The following CTNND2 variants were observed in gnomAD, a reference collection of about 807,000 sequenced individuals.
CTNND2 encodes catenin delta 2.
Under a neutral mutation model 144.4 loss-of-function variants are expected in CTNND2, and 22 were observed. The ratio of observed to expected loss-of-function variants is 0.15; its 90% CI spans 0.11 to 0.22. CTNND2 has a LOEUF of 0.22. CTNND2 is among the 10% of genes least tolerant of loss of function. The pLI, the probability that CTNND2 is intolerant of heterozygous loss-of-function variation, is 1.00. For missense variants in CTNND2, 1,353 were observed against 1,618.8 expected (o/e 0.84, Z 2.82); for synonymous variants, 751 against 695.6 (o/e 1.08, Z -1.25).
In CTNND2 at chr5:11,199,615, T is replaced by C; in HGVS notation, c.1808A>G (p.His603Arg). 6.2e-7 allele frequency: 1 copy of C among 1,614,182 alleles called. No homozygotes were observed. Among genetic ancestry groups the C allele is most frequent in the Non-Finnish European group, 8.5e-7 (1 of 1,180,026 alleles). The change falls in exon 11 of 22, where the codon CAT (histidine) becomes CGT (arginine). Residue 603 changes from histidine to arginine, a missense_variant. Coordinates refer to ENST00000304623, the MANE Select transcript of CTNND2 (RefSeq NM_001332.4). ...ACTACGGTGGACTTCGGTCATCCGA[T>C]GATCCAACAGGTCCACCAGGAGCTG... ...GIQLLVDLLDHRMTEVHRSAC... is the reference protein window; with the variant it reads ...GIQLLVDLLDRRMTEVHRSAC...
chr5:11,252,692 T>C (rs1743784795), intron 9 of CTNND2, among the ~76,000 whole-genome samples: 1 of 152,330 alleles, frequency 6.6e-6, no homozygotes, highest in African/African-American at 2.4e-5. Context: ...GATCAGGTGA[T>C]GGAGGCAGAA....
intron 2 of CTNND2, among the ~76,000 whole-genome samples, chr5:11,725,497 C>T (rs1426260743): frequency 6.6e-6 from 1 of 152,066 alleles, no homozygotes; most frequent in East Asian, 1.9e-4. Flanking sequence ...CTAACTTGAC[C>T]TTAGCAAAAC....
chr5:11,353,108 A>T (rs1272231864), intron 8 of CTNND2, among the ~76,000 whole-genome samples: 2 of 147,394 alleles, frequency 1.4e-5, no homozygotes, highest in African/African-American at 2.5e-5. Context: ...GTTTTCAGCC[A>T]TCAATGGGAA....
At chr5:11,718,603 A>C (rs912969538) in intron 2 of CTNND2, among the ~76,000 whole-genome samples, 2 of 151,950 alleles carry the variant, frequency 1.3e-5, no homozygotes, top group African/African-American at 4.8e-5. Flanking sequence ...AAGAGTTCTA[A>C]CACATTTTCT....
chr5:11,143,688 G>A (rs1172997434), intron 12 of CTNND2, among the ~76,000 whole-genome samples: 5 of 152,248 alleles, frequency 3.3e-5, no homozygotes, highest in Admixed American at 3.3e-4. Flanking sequence ...ACTGCAAAAT[G>A]TGAATCTTGG....
chr5:11,876,627 C>T (rs1050164904), intron 1 of CTNND2, among the ~76,000 whole-genome samples: 2 of 152,080 alleles, frequency 1.3e-5, no homozygotes, highest in African/African-American at 4.8e-5. Flanking sequence ...GTCCAGTAGC[C>T]TGATCTGGGT....
At chr5:11,144,122 G>A (rs1467808248) in intron 12 of CTNND2, among the ~76,000 whole-genome samples, 7 of 150,984 alleles carry the variant, frequency 4.6e-5, no homozygotes, top group African/African-American at 1.7e-4. Flanking sequence ...CAGTCCCCAG[G>A]TCTGCACCAG....
intron 1 of CTNND2, among the ~76,000 whole-genome samples, chr5:11,752,588 T>C (rs1472743502): frequency 2.0e-5 from 3 of 151,684 alleles, no homozygotes; most frequent in Non-Finnish European, 4.4e-5. Context: ...TTCATTAGTG[T>C]AGGCTTATAG....
At chr5:11,002,421 C>T (rs952477200) in intron 18 of CTNND2, among the ~76,000 whole-genome samples, 32 of 152,198 alleles carry the variant, frequency 2.1e-4, no homozygotes, top group Non-Finnish European at 1.5e-5. Flanking sequence ...TCTGCTGAAT[C>T]ACAGAAAGGA....
intron 18 of CTNND2, among the ~76,000 whole-genome samples, chr5:11,009,297 A>C (rs1382154891): frequency 6.6e-6 from 1 of 152,208 alleles, no homozygotes; most frequent in Admixed American, 6.5e-5. Context: ...GGATATAACC[A>C]AGATGGTCAG....
chr5:11,301,239 G>A (rs1036959663), intron 9 of CTNND2, among the ~76,000 whole-genome samples: 25 of 151,986 alleles, frequency 1.6e-4, no homozygotes, highest in African/African-American at 4.6e-4. Context: ...GGCTGGTCTC[G>A]GACTCCTGAC....
At chr5:11,422,039 G>T (rs1762404488) in intron 3 of CTNND2, among the ~76,000 whole-genome samples, 1 of 152,166 alleles carries the variant, frequency 6.6e-6, no homozygotes, top group Non-Finnish European at 1.5e-5. Flanking sequence ...CCCAACAAAA[G>T]TTAAGCTATC....
chr5:11,556,774 T>G (rs550793394), intron 3 of CTNND2, among the ~76,000 whole-genome samples: 3 of 152,260 alleles, frequency 2.0e-5, no homozygotes, highest in African/African-American at 7.2e-5. Flanking sequence ...GTTCAATAGT[T>G]CAAAGGTGGG....
intron 16 of CTNND2, among the ~76,000 whole-genome samples, chr5:11,034,411 G>C (rs1416056960): frequency 6.6e-6 from 1 of 152,162 alleles, no homozygotes; most frequent in African/African-American, 2.4e-5. Context: ...CTGTTACTGA[G>C]TTACTCCACC....
At chr5:11,587,974 T>G (rs1778983615) in intron 2 of CTNND2, among the ~76,000 whole-genome samples, 1 of 152,146 alleles carries the variant, frequency 6.6e-6, no homozygotes, top group Non-Finnish European at 1.5e-5. Context: ...CCATTGTAAA[T>G]TTTGGGCAAC....
At chr5:11,727,369 C>T (rs1787080947) in intron 2 of CTNND2, among the ~76,000 whole-genome samples, 1 of 152,156 alleles carries the variant, frequency 6.6e-6, no homozygotes, top group Admixed American at 6.5e-5. Flanking sequence ...CCTTGCTCCC[C>T]CTTCCTTGTT....
chr5:11,104,702 C>CTGAACA (rs1752244465), intron 14 of CTNND2, among the ~76,000 whole-genome samples: 1 of 152,128 alleles, frequency 6.6e-6, no homozygotes, highest in African/African-American at 2.4e-5. Context: ...AGGAGCTGTT[C>CTGAACA]AGAAGACTTC....
intron 10 of CTNND2, among the ~76,000 whole-genome samples, chr5:11,205,948 T>C (rs1737996980): frequency 6.6e-6 from 1 of 152,192 alleles, no homozygotes; most frequent in African/African-American, 2.4e-5. Flanking sequence ...TAAATGCCTG[T>C]AAAGCATGAA....
intron 2 of CTNND2, among the ~76,000 whole-genome samples, chr5:11,721,382 T>G (rs1192872836): frequency 6.6e-6 from 1 of 152,020 alleles, no homozygotes; most frequent in Non-Finnish European, 1.5e-5. Context: ...CTGTTTTTTT[T>G]TAAATTCACC....
Sources: allele counts gnomAD v4.1 joint callset (sites outside exome capture counted in the v4.1 genomes callset), GRCh38; gene constraint gnomAD v4.1.1; transcripts MANE v1.5; gene names NCBI Gene and HGNC (gene_info 2026-07-23, HGNC 2026-07-21).